Variants in MPPED1 observed in about 807,000 individuals in gnomAD.
MPPED1 encodes the protein metallophosphoesterase domain-containing protein 1.
MPPED1 carries 16 observed loss-of-function variants against 36.2 expected under a neutral mutation model. The ratio of observed to expected loss-of-function variants is 0.44; its 90% CI spans 0.30 to 0.67. MPPED1 has a LOEUF of 0.67. MPPED1 is among the 30% of genes least tolerant of loss of function. The pLI is 0.10. For synonymous variants in MPPED1, 199 were observed against 191.3 expected, an observed-to-expected ratio of 1.04 and a Z score of -0.33; for missense variants, 307 against 453.4, an observed-to-expected ratio of 0.68 and a Z score of 2.93.
chr22:43,482,509 C>T (rs550070844), intron 4 of MPPED1, among the ~76,000 whole-genome samples: 3 of 152,352 alleles, frequency 2.0e-5, no homozygotes, highest in Admixed American at 2.0e-4. Flanking sequence ...GCCAGGGCTG[C>T]TCCAGACCAT....
At chr22:43,499,514 A>T (rs1401182254) in intron 5 of MPPED1, among the ~76,000 whole-genome samples, 15 of 40,284 alleles carry the variant, frequency 3.7e-4, no homozygotes, top group South Asian at 2.0e-3. Context: ...AATGGAGGTG[A>T]TGGTGGTGGT....
intron 2 of MPPED1, among the ~76,000 whole-genome samples, chr22:43,428,806 C>T (rs1435741723): frequency 6.6e-6 from 1 of 151,810 alleles, no homozygotes; most frequent in Non-Finnish European, 1.5e-5. Flanking sequence ...ACTCCTTGCC[C>T]CGGTGACTGA....
rs776738639 is a variant in MPPED1, at chr22:43,505,482, T to C, written c.863-16T>C. 1 of 1,594,518 alleles carries C rather than the reference T, an allele frequency of 6.3e-7. No individual in the cohort carries two copies. Among genetic ancestry groups the C allele is most frequent in the Non-Finnish European group, 8.5e-7 (1 of 1,170,180 alleles). On this transcript the variant is annotated splice_polypyrimidine_tract_variant and intron_variant, in intron 6 of 6. Transcript: ENST00000443721. ...ACTCTGGCTGCTGGCCTGATGGGCA[T>C]GTGCTTACTTTCCAGGGTATGGTGT... is the stretch of plus-strand genomic sequence containing the variant.
intron 3 of MPPED1, among the ~76,000 whole-genome samples, chr22:43,440,318 A>T (rs1429595832): frequency 6.6e-6 from 1 of 152,208 alleles, no homozygotes; most frequent in African/African-American, 2.4e-5. Context: ...GCGTAAGTTG[A>T]GTTGGGGTCT....
intron 2 of MPPED1, among the ~76,000 whole-genome samples, chr22:43,433,990 G>T (rs1929861073): frequency 6.6e-6 from 1 of 152,204 alleles, no homozygotes; most frequent in African/African-American, 2.4e-5. Context: ...ACTGGATGGA[G>T]AGCTGGGGTC....
intron 3 of MPPED1, among the ~76,000 whole-genome samples, chr22:43,454,817 C>G (rs537467541): frequency 5.9e-4 from 90 of 152,248 alleles, no homozygotes; most frequent in Middle Eastern, 3.4e-3. Context: ...TCCCAGAGTG[C>G]TGGGATTGAG....
chr22:43,454,405 A>T (rs1363388202), intron 3 of MPPED1, among the ~76,000 whole-genome samples: 1 of 152,132 alleles, frequency 6.6e-6, no homozygotes, highest in Non-Finnish European at 1.5e-5. Flanking sequence ...CCTGAGCTCA[A>T]GCAATCCTCC....
chr22:43,463,847 CTTTCT>C (rs1479180956), intron 3 of MPPED1, among the ~76,000 whole-genome samples: 3 of 123,698 alleles, frequency 2.4e-5, no homozygotes, highest in African/African-American at 8.7e-5. Context: ...TTCTTTCTTT[CTTTCT>C]TTCTTTCTTT....
At chr22:43,484,767 G>A (rs192226563) in intron 4 of MPPED1, among the ~76,000 whole-genome samples, 18 of 152,222 alleles carry the variant, frequency 1.2e-4, no homozygotes, top group African/African-American at 1.7e-4. Flanking sequence ...TGTGAGCCCC[G>A]CCTGAGCCTC....
chr22:43,430,439 C>G (rs1289215763), intron 2 of MPPED1, among the ~76,000 whole-genome samples: 1 of 152,168 alleles, frequency 6.6e-6, no homozygotes, highest in East Asian at 1.9e-4. Context: ...AGGGCTGGAG[C>G]CTGGTGGGGT....
At chr22:43,425,272 C>T (rs1267947789) in intron 2 of MPPED1, 63 bp downstream of exon 2, 3 of 1,476,286 alleles carry the variant, frequency 2.0e-6, no homozygotes, top group African/African-American at 1.4e-5. Flanking sequence ...GGTGCATGGT[C>T]TCGGGTGCCT....
rs559377162 is a variant in MPPED1 at position 43,443,469 on chromosome 22, A to G, written c.406+8254A>G. On this transcript the variant is annotated intron_variant, in intron 3 of 6. Transcript: ENST00000443721. ...GGCTGGACCTGGAGGTGGCCCAGGG[A>G]GAGTGCAGTAGAGGCTTGGCTCTGG... Among the ~76,000 whole-genome samples, 30 of 152,180 alleles carry G rather than the reference A, an allele frequency of 2.0e-4. No individual in the cohort carries two copies. The South Asian group carries it at 6.0e-3, about 31-fold the overall frequency.
intron 3 of MPPED1, among the ~76,000 whole-genome samples, chr22:43,451,855 C>T (rs923292482): frequency 3.3e-5 from 5 of 152,242 alleles, no homozygotes; most frequent in Non-Finnish European, 5.9e-5. Context: ...TCCGAGGCTT[C>T]GGGGCAGTTG....
chr22:43,433,128 G>A (rs1236573219), intron 2 of MPPED1, among the ~76,000 whole-genome samples: 2 of 152,026 alleles, frequency 1.3e-5, no homozygotes, highest in Admixed American at 6.5e-5. Flanking sequence ...GGGTCACTGG[G>A]GGCCCCAGAG....
In MPPED1 at chr22:43,499,654, TG is replaced by T. The variant is rs200306896; in HGVS notation, c.748+1309del. 1.1e-3 allele frequency among the ~76,000 whole-genome samples: 95 copies of T among 89,206 alleles called. 5 individuals are homozygous for T. The highest frequency in any genetic ancestry group is 4.8e-3 in the African/African-American group (90 of 18,892). The allele number at this position is 89,206 out of a possible 152,430, so 58.5% of individuals were successfully genotyped here. On this transcript the variant is annotated intron_variant, in intron 5 of 6. Coordinates refer to ENST00000443721, the MANE Select transcript of MPPED1 (RefSeq NM_001044370.2). ...ATGGTGGAGGTGGTGGTGGTGGTGA[TG>T]GGGGTGGCGGTGATGGGGGTGATGG...
Position 43,424,916 on chromosome 22 carries a change from C to T in MPPED1, c.-70C>T. 1.3e-6 allele frequency: 2 copies of T among 1,535,842 alleles called. No individual in the cohort carries two copies. Among genetic ancestry groups the T allele is most frequent in the African/African-American group, 1.4e-5 (1 of 72,986 alleles). On this transcript the variant is annotated 5_prime_UTR_variant, in exon 2 of 7. Transcript: ENST00000443721. ...CTGCTCCGTCTCCTCAGTCTGTTTC[C>T]AGGTCTGGCGGGGGGCCGGGCTGCG...
intron 2 of MPPED1, among the ~76,000 whole-genome samples, chr22:43,432,830 G>A (rs1196828156): frequency 3.7e-5 from 1 of 27,032 alleles, no homozygotes. Flanking sequence ...GAGAAAGGGA[G>A]GAGAGAGAGA....
In MPPED1 at chr22:43,507,817, T is replaced by A. The variant is rs1932834465; in HGVS notation, c.*2201T>A. The A allele has an allele frequency of 6.8e-6, 1 of 146,632 alleles. No individual in the cohort carries two copies. Among genetic ancestry groups the A allele is most frequent in the Admixed American group, 6.9e-5 (1 of 14,444 alleles). 9.1% of individuals were successfully genotyped at this position (146,632 alleles called of 1,614,324 possible). On this transcript the variant is annotated 3_prime_UTR_variant, in exon 7 of 7. Transcript: ENST00000443721. Reference sequence around the variant, plus strand: ...TTTTTTTTTTTTTTTTTGTCAAGCATGTCAGACAATAAAGTCTTTGTAAAA... The same window carrying A: ...TTTTTTTTTTTTTTTTTGTCAAGCAAGTCAGACAATAAAGTCTTTGTAAAA...
intron 2 of MPPED1, among the ~76,000 whole-genome samples, chr22:43,425,885 C>G (rs1398708864): frequency 6.6e-6 from 1 of 152,230 alleles, no homozygotes; most frequent in Non-Finnish European, 1.5e-5. Context: ...GACTCAAGGC[C>G]CCCGTGAGCA....
Sources: gnomAD v4.1 joint callset for allele counts (sites outside exome capture counted in the v4.1 genomes callset) on GRCh38, gnomAD v4.1.1 for gene constraint, MANE v1.5 for transcripts, NCBI Gene and HGNC (gene_info 2026-07-23, HGNC 2026-07-21) for gene names.